The following CPED1 variants were observed in gnomAD, a reference collection of about 807,000 sequenced individuals.
The protein encoded by CPED1 is cadherin like and PC-esterase domain containing 1, also known as cadherin-like and PC-esterase domain-containing protein 1.
Under a neutral mutation model 128.2 loss-of-function variants are expected in CPED1, and 114 were observed. The ratio of observed to expected loss-of-function variants is 0.89; its 90% CI spans 0.76 to 1.04. The LOEUF is 1.04. CPED1 is among the 50% of genes least tolerant of loss of function. The probability of loss-of-function intolerance (pLI) is 0.00; values close to 1 mark genes in which losing one functional copy is unlikely to be tolerated. For synonymous variants in CPED1, 462 were observed against 426.7 expected (o/e 1.08, Z -1.02); for missense variants, 1,211 against 1,207.1 (o/e 1.00, Z -0.05).
intron 22 of CPED1, among the ~76,000 whole-genome samples, chr7:121,294,488 A>T (rs1017706029): frequency 6.6e-6 from 1 of 152,200 alleles, no homozygotes; most frequent in Non-Finnish European, 1.5e-5. Flanking sequence ...GAAACATTTA[A>T]AAGGGACTTA....
At chr7:121,098,765 T>TATAA (rs1563024810) in intron 6 of CPED1, among the ~76,000 whole-genome samples, 5 of 38,580 alleles carry the variant, frequency 1.3e-4, no homozygotes, top group Non-Finnish European at 2.1e-4. Flanking sequence ...AAAATATATA[T>TATAA]AAATATATAT....
chr7:121,108,198 A>AT (rs1563028511), intron 7 of CPED1, among the ~76,000 whole-genome samples: 1 of 152,056 alleles, frequency 6.6e-6, no homozygotes, highest in Admixed American at 6.6e-5. Context: ...AGCATGGAGC[A>AT]TTTTTCCCCC....
intron 16 of CPED1, among the ~76,000 whole-genome samples, chr7:121,167,120 A>G (rs1796544818): frequency 6.6e-6 from 1 of 152,242 alleles, no homozygotes; most frequent in Non-Finnish European, 1.5e-5. Context: ...ATGCTGGTAA[A>G]GTGACCCTCT....
chr7:121,296,456 T>A lies in CPED1; in HGVS notation c.*804T>A, dbSNP rs1792826097. On this transcript the variant is annotated 3_prime_UTR_variant, in exon 23 of 23. Transcript: ENST00000310396. The stretch of plus-strand genomic sequence containing the variant: ...CTGTACTATGTTTCATTGATGATAT[T>A]ACTTAAATCTTGTGTTTGCCATTAC... 1 of 152,148 alleles carries A rather than the reference T, an allele frequency of 6.6e-6. No individual in the cohort carries two copies. The highest frequency in any genetic ancestry group is 1.5e-5 in the Non-Finnish European group (1 of 67,980). 9.4% of individuals were successfully genotyped at this position (152,148 alleles called of 1,614,324 possible).
At chr7:121,167,969 G>A (rs1278029371) in intron 16 of CPED1, among the ~76,000 whole-genome samples, 1 of 151,870 alleles carries the variant, frequency 6.6e-6, no homozygotes, top group Non-Finnish European at 1.5e-5. Context: ...TCCTGACCTC[G>A]TGATCCGCCC....
At chr7:121,128,595 TA>T in intron 11 of CPED1, 109 bp downstream of exon 11, 1 of 642,208 alleles carries the variant, frequency 1.6e-6, no homozygotes, top group Non-Finnish European at 2.8e-6. Flanking sequence ...CTTTAAGAAA[TA>T]GAAATCTTTA....
At chr7:121,255,067 G>A (rs1798772508) in intron 18 of CPED1, among the ~76,000 whole-genome samples, 1 of 152,068 alleles carries the variant, frequency 6.6e-6, no homozygotes, top group African/African-American at 2.4e-5. Flanking sequence ...TATGAAGTTA[G>A]CATCAGCCTG....
Position 121,124,077 on chromosome 7 carries a change from C to G in CPED1, c.919-254C>G, listed in dbSNP as rs151101510. Among the ~76,000 whole-genome samples the G allele has an allele frequency of 3.0e-3, 456 of 152,162 alleles. 2 individuals are homozygous for G. Among genetic ancestry groups the G allele is most frequent in the African/African-American group, 0.01 (431 of 41,526 alleles). On this transcript the variant is annotated intron_variant, in intron 7 of 22. Transcript: ENST00000310396. ...CTGATGACAAGACTTGCATTTTCCA[C>G]GATTAGATGCTGTGAAATGAGGAAA...
chr7:120,992,957 T>C (rs1464268687), intron 2 of CPED1, among the ~76,000 whole-genome samples: 2 of 152,174 alleles, frequency 1.3e-5, no homozygotes, highest in Non-Finnish European at 2.9e-5. Flanking sequence ...GTATAATATA[T>C]GCCAACTTTC....
At chr7:121,261,164 T>A (rs1160233483) in intron 18 of CPED1, among the ~76,000 whole-genome samples, 1 of 152,098 alleles carries the variant, frequency 6.6e-6, no homozygotes, top group African/African-American at 2.4e-5. Flanking sequence ...GTTCCCTTCA[T>A]GAAGAAACAA....
At chr7:121,012,926 A>G (rs886652755) in intron 2 of CPED1, among the ~76,000 whole-genome samples, 5 of 152,198 alleles carry the variant, frequency 3.3e-5, no homozygotes, top group Admixed American at 6.5e-5. Flanking sequence ...CTGGGGGAAA[A>G]GAGGATGGTA....
chr7:121,181,303 T>C (rs528333931), intron 16 of CPED1, among the ~76,000 whole-genome samples: 3 of 152,174 alleles, frequency 2.0e-5, no homozygotes, highest in Non-Finnish European at 2.9e-5. Context: ...ATAAAGAATA[T>C]TCCACGCAGA....
intron 4 of CPED1, among the ~76,000 whole-genome samples, chr7:121,050,149 T>A (rs1221916119): frequency 6.6e-6 from 1 of 152,234 alleles, no homozygotes; most frequent in Non-Finnish European, 1.5e-5. Flanking sequence ...CCTTCATCCT[T>A]GAGCCCTTCC....
chr7:121,271,446 A>G lies in CPED1; in HGVS notation c.2868+16A>G. 6.2e-7 allele frequency: 1 copy of G among 1,607,632 alleles called. No individual in the cohort carries two copies. The highest frequency in any genetic ancestry group is 1.3e-5 in the African/African-American group (1 of 74,804). ...TTTCCATGAGGTATTTATGCTGGCT[A>G]TCTGAGTTTTATAGCTTTTGATCTT... On this transcript the variant is annotated intron_variant, in intron 22 of 22. Transcript: ENST00000310396.
chr7:121,260,303 T>C (rs1791986634), intron 18 of CPED1, among the ~76,000 whole-genome samples: 1 of 151,172 alleles, frequency 6.6e-6, no homozygotes, highest in African/African-American at 2.4e-5. Context: ...ATATTTGTTT[T>C]TGACTGCAAA....
rs1792839919 is a variant in CPED1 at position 121,297,223 on chromosome 7, A to G, written c.*1571A>G. On this transcript the variant is annotated 3_prime_UTR_variant, in exon 23 of 23. Coordinates refer to ENST00000310396, the MANE Select transcript of CPED1 (RefSeq NM_024913.5). ...TTTTAAATTTTCAGTGATTTTTTTAATGACATAAAACGTTACCAATGTGTG... is the reference window on the plus strand; with the variant it reads ...TTTTAAATTTTCAGTGATTTTTTTAGTGACATAAAACGTTACCAATGTGTG... 6.6e-6 allele frequency: 1 copy of G among 152,068 alleles called. No individual in the cohort carries two copies. The highest frequency in any genetic ancestry group is 2.4e-5 in the African/African-American group (1 of 41,444). The allele number at this position is 152,068 out of a possible 1,614,324, so 9.4% of individuals were successfully genotyped here.
intron 7 of CPED1, among the ~76,000 whole-genome samples, chr7:121,115,222 CATG>C (rs1333729618): frequency 1.3e-5 from 2 of 152,150 alleles, no homozygotes; most frequent in Admixed American, 6.5e-5. Context: ...GATGCTAAAT[CATG>C]AACTTTTAAA....
chr7:121,100,015 C>T lies in CPED1; in HGVS notation c.839C>T (p.Ser280Phe). 6.2e-7 allele frequency: 1 copy of T among 1,613,520 alleles called. No individual in the cohort carries two copies. The change falls in exon 7 of 23, where the codon TCC (serine) becomes TTC (phenylalanine). Residue 280 changes from serine to phenylalanine, a missense_variant. Physicochemically the swap from Ser to Phe is radical, Grantham distance 155 (BLOSUM62 -2). Transcript: ENST00000310396. ...CTTAAAGCGTATGTGTTGGTGACGT[C>T]CTTAACCCCTTTGCGTGCATTCATT... is the stretch of plus-strand genomic sequence containing the variant. ...VILKAYVLVT[S>F]LTPLRAFIHS...
intron 22 of CPED1, among the ~76,000 whole-genome samples, chr7:121,290,039 G>A (rs776130848): frequency 4.6e-5 from 7 of 152,048 alleles, no homozygotes; most frequent in Non-Finnish European, 7.4e-5. Flanking sequence ...TCCCACTTAC[G>A]AGTGAGACCA....
Sources: gnomAD v4.1 joint callset for allele counts (sites outside exome capture counted in the v4.1 genomes callset) on GRCh38, gnomAD v4.1.1 for gene constraint, MANE v1.5 for transcripts, NCBI Gene and HGNC (gene_info 2026-07-23, HGNC 2026-07-21) for gene names.